Variants in SMU1 observed in about 807,000 individuals in gnomAD.
SMU1 encodes the protein SMU1 DNA replication regulator and spliceosomal factor.
SMU1 carries 2 observed loss-of-function variants against 62.0 expected under a neutral mutation model. That is an observed-to-expected ratio of 0.03 (90% confidence interval 0.01 to 0.10). The LOEUF is 0.10. SMU1 is among the 10% of genes least tolerant of loss of function. The probability of loss-of-function intolerance (pLI) is 1.00; values close to 1 mark genes in which losing one functional copy is unlikely to be tolerated. For synonymous variants in SMU1, 188 were observed against 212.4 expected, an observed-to-expected ratio of 0.89 and a Z score of 1.00; for missense variants, 227 against 622.1, an observed-to-expected ratio of 0.36 and a Z score of 6.76.
rs3814517 is a variant in SMU1 at position 33,044,518 on chromosome 9, G to C, written c.*2775C>G. On this transcript the variant is annotated 3_prime_UTR_variant, in exon 12 of 12. Coordinates refer to ENST00000397149, the MANE Select transcript of SMU1 (RefSeq NM_018225.3). Reference sequence around the variant, plus strand: ...GACCCCGCCGCGGTCTGGCTGTAAGGGCGCTGGAGGGGAGCTGGGCTGCCC... The same window carrying C: ...GACCCCGCCGCGGTCTGGCTGTAAGCGCGCTGGAGGGGAGCTGGGCTGCCC... The C allele has an allele frequency of 0.04, 6,150 of 152,378 alleles. 193 individuals carry two copies. The highest frequency in any genetic ancestry group is 0.13 in the East Asian group (670 of 5,172). The allele number at this position is 152,378 out of a possible 1,614,324, so 9.4% of individuals were successfully genotyped here. A position where few individuals can be genotyped will look rare whatever the true frequency, so the allele number is the denominator to read the frequency against.
At chr9:33,063,682 C>T (rs1322930642) in intron 4 of SMU1, among the ~76,000 whole-genome samples, 1 of 150,870 alleles carries the variant, frequency 6.6e-6, no homozygotes, top group Non-Finnish European at 1.5e-5. Flanking sequence ...GAGCATGAAC[C>T]CTATTTTGAA....
At position 33,042,502 on chromosome 9, in the gene SMU1, T is replaced by C. The variant is rs1358952443; in HGVS notation, c.*4791A>G. 1.3e-5 allele frequency: 2 copies of C among 152,292 alleles called. No homozygotes were observed. The highest frequency in any genetic ancestry group is 1.5e-5 in the Non-Finnish European group (1 of 68,046). 9.4% of individuals were successfully genotyped at this position (152,292 alleles called of 1,614,324 possible). On this transcript the variant is annotated 3_prime_UTR_variant, in exon 12 of 12. Coordinates refer to ENST00000397149, the MANE Select transcript of SMU1 (RefSeq NM_018225.3). ...AGGGAATAGGAGTAGAGGCCAATTATGTCGCTTGAGAGTGCTCTTGGAACA... is the reference window on the plus strand; with the variant it reads ...AGGGAATAGGAGTAGAGGCCAATTACGTCGCTTGAGAGTGCTCTTGGAACA...
intron 10 of SMU1, among the ~76,000 whole-genome samples, chr9:33,051,035 G>C (rs56701247): frequency 6.5e-5 from 7 of 107,942 alleles, no homozygotes; most frequent in Non-Finnish European, 8.2e-5. Context: ...GCAGGAGAAT[G>C]GCGTGAACCC....
chr9:33,064,488 G>T (rs1222071177), intron 4 of SMU1, among the ~76,000 whole-genome samples: 1 of 152,084 alleles, frequency 6.6e-6, no homozygotes, highest in Admixed American at 6.6e-5. Context: ...TAAAGTCAGT[G>T]TCCCAACATC....
chr9:33,047,531 G>T, intron 11 of SMU1, 140 bp from the exon 12 acceptor site: 1 of 593,024 alleles, frequency 1.7e-6, no homozygotes, highest in Middle Eastern at 3.0e-4. Context: ...AGATGGAGGA[G>T]GGTTTTCCAA....
chr9:33,070,639 T>A (rs1356859229), intron 3 of SMU1, among the ~76,000 whole-genome samples: 1 of 152,198 alleles, frequency 6.6e-6, no homozygotes, highest in East Asian at 1.9e-4. Context: ...TAAGTGACCA[T>A]TAACAGATAA....
rs1487759730 is a variant in SMU1, at chr9:33,053,415, A to G, written c.1123-125T>C. The G allele has an allele frequency of 6.9e-5, 69 of 998,656 alleles. No individual in the cohort carries two copies. The East Asian group carries it at 1.8e-3, about 26-fold the overall frequency. The allele number at this position is 998,656 out of a possible 1,614,324, so 61.9% of individuals were successfully genotyped here. On this transcript the variant is annotated intron_variant, in intron 9 of 11. Transcript: ENST00000397149. Reference sequence around the variant, plus strand: ...ATGATTCAGGGGAAAAAAGTTTCTTACTTGATTTTAGGTCCAATCAAATAC... The same window carrying G: ...ATGATTCAGGGGAAAAAAGTTTCTTGCTTGATTTTAGGTCCAATCAAATAC...
At position 33,072,203 on chromosome 9, in the gene SMU1, G is replaced by A. The variant is rs530319368; in HGVS notation, c.238-311C>T. On this transcript the variant is annotated intron_variant, in intron 2 of 11. Coordinates refer to ENST00000397149, the MANE Select transcript of SMU1 (RefSeq NM_018225.3). ...ACAAAAAAAATTAGCTGGGTGTGGTGGTATATGCCTGTAATTCCAGCTACT... is the reference window on the plus strand; with the variant it reads ...ACAAAAAAAATTAGCTGGGTGTGGTAGTATATGCCTGTAATTCCAGCTACT... Among the ~76,000 whole-genome samples the A allele has an allele frequency of 8.5e-5, 13 of 152,202 alleles. No homozygotes were observed. The South Asian group carries it at 2.5e-3, about 29-fold the overall frequency.
At chr9:33,071,992 A>G (rs113547522) in intron 2 of SMU1, 100 bp from the exon 3 acceptor site, 1 of 1,202,350 alleles carries the variant, frequency 8.3e-7, no homozygotes, top group Non-Finnish European at 1.1e-6. Context: ...TGGCCTGTCA[A>G]AGGATTTCCA....
rs1839167087 is a variant in SMU1 at position 33,044,895 on chromosome 9, C to CGGCG, written c.*2397_*2398insCGCC. 1 of 152,254 alleles carries CGGCG rather than the reference C, an allele frequency of 6.6e-6. No individual in the cohort carries two copies. Among genetic ancestry groups the CGGCG allele is most frequent in the Admixed American group, 6.5e-5 (1 of 15,278 alleles). 9.4% of individuals were successfully genotyped at this position (152,254 alleles called of 1,614,324 possible). A position where few individuals can be genotyped will look rare whatever the true frequency, so the allele number is the denominator to read the frequency against. On this transcript the variant is annotated 3_prime_UTR_variant, in exon 12 of 12. Transcript: ENST00000397149. ...CCGGTTAGGTTCCCTGTGCTTAGAC[C>CGGCG]GCCCCCTAGTCCCTCCAGGAAGCCT...
intron 1 of SMU1, 50 bp from the exon 2 acceptor site, chr9:33,073,856 C>CA: frequency 6.5e-7 from 1 of 1,531,830 alleles, no homozygotes; most frequent in Non-Finnish European, 9.0e-7. Context: ...CACCAGAGGT[C>CA]AAAAATAAAG....
intron 10 of SMU1, among the ~76,000 whole-genome samples, chr9:33,049,764 C>CCACACACACACACACACACACACACACA (rs61036431): frequency 1.3e-4 from 20 of 148,404 alleles, no homozygotes; most frequent in African/African-American, 4.7e-4. Context: ...GACCCCATTT[C>CCACACACACACACACACACACACACACA]CACACACACA....
rs539854440 is a variant in SMU1, at chr9:33,052,962, T to C, written c.1290+161A>G. On this transcript the variant is annotated intron_variant, in intron 10 of 11. Coordinates refer to ENST00000397149, the MANE Select transcript of SMU1 (RefSeq NM_018225.3). ...TCACTTTTGAAATACCAAACAGATG[T>C]TTTATGGAGCTATAAATAAATCTGA... 5.3e-5 allele frequency among the ~76,000 whole-genome samples: 8 copies of C among 152,336 alleles called. No individual in the cohort carries two copies. The East Asian group carries it at 1.5e-3, about 29-fold the overall frequency.
chr9:33,070,269 G>T (rs1312973439), intron 3 of SMU1, among the ~76,000 whole-genome samples: 1 of 152,124 alleles, frequency 6.6e-6, no homozygotes, highest in African/African-American at 2.4e-5. Flanking sequence ...AGGCAAACAG[G>T]TTTATTTAAA....
chr9:33,048,931 A>C (rs1839214404), intron 10 of SMU1, among the ~76,000 whole-genome samples: 1 of 152,220 alleles, frequency 6.6e-6, no homozygotes, highest in African/African-American at 2.4e-5. Context: ...AAATACATAC[A>C]ATATTTAAAT....
intron 10 of SMU1, among the ~76,000 whole-genome samples, chr9:33,049,947 AAAGG>A (rs879284653): frequency 6.6e-6 from 1 of 152,178 alleles, no homozygotes; most frequent in Non-Finnish European, 1.5e-5. Context: ...CAAAAACAAA[AAAGG>A]AAGAAAATGA....
chr9:33,074,451 A>ACAC (rs201578552), intron 1 of SMU1, among the ~76,000 whole-genome samples: 11 of 148,838 alleles, frequency 7.4e-5, no homozygotes, highest in African/African-American at 1.0e-4. Flanking sequence ...CACACACACA[A>ACAC]AAAAAAAAAT....
chr9:33,060,447 A>G lies in SMU1; in HGVS notation c.750+18T>C. ...TAATTTTTCCACTAGGAAGGTTAACACATTTAAAATACTTTACCTTTCTGA... is the reference window on the plus strand; with the variant it reads ...TAATTTTTCCACTAGGAAGGTTAACGCATTTAAAATACTTTACCTTTCTGA... On this transcript the variant is annotated intron_variant, in intron 6 of 11. Transcript: ENST00000397149. The G allele has an allele frequency of 6.3e-7, 1 of 1,587,518 alleles. No homozygotes were observed. The highest frequency in any genetic ancestry group is 1.4e-5 in the African/African-American group (1 of 73,280).
At position 33,056,147 on chromosome 9, in the gene SMU1, T is replaced by C. The variant is rs1221516090; in HGVS notation, c.1088A>G (p.Tyr363Cys). ...NEATFTQDGH[Y>C]IISASSDGTV... is the part of the protein sequence containing the mutation. ...GCCATCAGAGGATGCACTAATAATG[T>C]AATGTCCATCTTGTGTAAATGTTGC... Residue 363 changes from tyrosine (Y) to cysteine (C), a missense_variant, in exon 9 of 12, where the codon TAC becomes TGC. This residue lies in a region of SMU1 where 98 missense variants were observed against 195.9 expected (regional missense o/e 0.50). Coordinates refer to ENST00000397149, the MANE Select transcript of SMU1 (RefSeq NM_018225.3). 2.5e-6 allele frequency: 4 copies of C among 1,613,160 alleles called. No individual in the cohort carries two copies. The African/African-American group carries it at 5.3e-5, about 22-fold the overall frequency.
Sources: allele counts gnomAD v4.1 joint callset (sites outside exome capture counted in the v4.1 genomes callset), GRCh38; gene constraint gnomAD v4.1.1; regional missense constraint gnomAD v4.1.1; transcripts MANE v1.5; gene names NCBI Gene and HGNC (gene_info 2026-07-23, HGNC 2026-07-21).